Variants in RFC3 observed in about 807,000 individuals in gnomAD.
RFC3 encodes the protein replication factor C subunit 3, also known as A1 38 kDa subunit.
Under a neutral mutation model 45.1 loss-of-function variants are expected in RFC3, and 41 were observed. The ratio of observed to expected loss-of-function variants is 0.91; its 90% CI spans 0.71 to 1.18. RFC3 has a LOEUF of 1.18. RFC3 is among the 50% of genes most tolerant of loss of function. The probability of loss-of-function intolerance (pLI) is 0.00; values close to 1 mark genes in which losing one functional copy is unlikely to be tolerated. For missense variants in RFC3, 423 were observed against 428.1 expected, an observed-to-expected ratio of 0.99 and a Z score of 0.10; for synonymous variants, 149 against 144.0, an observed-to-expected ratio of 1.03 and a Z score of -0.25.
chr13:33,866,550 T>C (rs2082374830), intron 8 of RFC3, among the ~76,000 whole-genome samples: 1 of 152,214 alleles, frequency 6.6e-6, no homozygotes, highest in African/African-American at 2.4e-5. Context: ...TGGAGAGTCA[T>C]TATGCCTCAT....
intron 8 of RFC3, among the ~76,000 whole-genome samples, chr13:33,898,164 C>T (rs887337941): frequency 1.3e-5 from 2 of 151,976 alleles, no homozygotes; most frequent in African/African-American, 4.8e-5. Flanking sequence ...ATAGGCCTAA[C>T]TGATATTTAC....
intron 8 of RFC3, among the ~76,000 whole-genome samples, chr13:33,956,713 A>G (rs1257483756): frequency 6.6e-6 from 1 of 152,208 alleles, no homozygotes; most frequent in Non-Finnish European, 1.5e-5. Context: ...AAAGCACTAG[A>G]TGTCTAGTGA....
rs546575097 is a variant in RFC3, at chr13:33,887,987, C to T, written c.879+52770C>T. On this transcript the variant is annotated intron_variant, in intron 8 of 8. Coordinates refer to the RFC3 transcript ENST00000434425. ...GGCTCTGTTCTGTTCCATTGATCGA[C>T]ATCTCTGTTTTGGTACCAGTACCAT... Among the ~76,000 whole-genome samples the T allele has an allele frequency of 7.9e-3, 1,201 of 152,144 alleles. 17 individuals are homozygous for T. The highest frequency in any genetic ancestry group is 0.027 in the African/African-American group (1,125 of 41,462).
intron 8 of RFC3, among the ~76,000 whole-genome samples, chr13:33,851,920 G>C (rs1003008185): frequency 3.3e-5 from 5 of 152,122 alleles, no homozygotes; most frequent in African/African-American, 1.2e-4. Flanking sequence ...TGAAGTTGAA[G>C]ACTGAATTTT....
intron 8 of RFC3, among the ~76,000 whole-genome samples, chr13:33,858,477 C>T (rs964342056): frequency 3.9e-5 from 6 of 152,168 alleles, no homozygotes; most frequent in Non-Finnish European, 7.3e-5. Flanking sequence ...AACCAGGTCC[C>T]TTCCCACTCT....
chr13:33,963,710 G>A (rs536640604), intron 8 of RFC3, among the ~76,000 whole-genome samples: 1 of 152,198 alleles, frequency 6.6e-6, no homozygotes, highest in South Asian at 2.1e-4. Context: ...ACTTGTCTCT[G>A]TTCTTCTGTG....
chr13:33,841,753 GTTTGTAAAC>G (rs1416929338), downstream of RFC3, among the ~76,000 whole-genome samples: 1 of 152,108 alleles, frequency 6.6e-6, no homozygotes, highest in East Asian at 1.9e-4. Context: ...TTTCATGCTT[GTTTGTAAAC>G]TTTTTTGGAG....
At position 33,910,335 on chromosome 13, in the gene RFC3, A is replaced by G. The variant is rs72621258; in HGVS notation, c.880-55752A>G. 5.9e-3 allele frequency among the ~76,000 whole-genome samples: 904 copies of G among 152,182 alleles called. 31 individuals carry two copies. The East Asian group carries it at 0.087, about 15-fold the overall frequency. On this transcript the variant is annotated intron_variant, in intron 8 of 8. Coordinates refer to the RFC3 transcript ENST00000434425. ...CTTAGACATTATCTTTTCTAAGCCT[A>G]ATTTGCTCATTGTAAAGTGGGGATT...
intron 8 of RFC3, chr13:33,849,057 T>TAGAC (rs57345422): frequency 0.012 from 1,776 of 151,106 alleles, 30 homozygotes; most frequent in African/African-American, 0.035. Flanking sequence ...GATAGATAGA[T>TAGAC]AGACAGGCAG....
chr13:33,959,928 G>A (rs1312209395), intron 8 of RFC3, among the ~76,000 whole-genome samples: 5 of 152,142 alleles, frequency 3.3e-5, no homozygotes, highest in Admixed American at 3.3e-4. Context: ...AGCTCAGGAA[G>A]GTTTTACTCA....
At chr13:33,977,223 T>C in the RFC3 span, among the ~76,000 whole-genome samples, 1 of 152,160 alleles carries the variant, frequency 6.6e-6, no homozygotes, top group Admixed American at 6.5e-5. Context: ...TAGCTAATAA[T>C]AATGCATAGT....
chr13:33,818,149 A>G lies in RFC3; in HGVS notation c.-30A>G. 6.3e-7 allele frequency: 1 copy of G among 1,595,192 alleles called. No homozygotes were observed. ...GGACGCGCGCTCGCGCGGGATTTTC[A>G]AGCGTAGGCCCCCGGGAACTCGAGC... On this transcript the variant is annotated 5_prime_UTR_variant, in exon 1 of 9. Coordinates refer to ENST00000380071, the MANE Select transcript of RFC3 (RefSeq NM_002915.4).
At chr13:33,861,793 C>T (rs2082342755) in intron 8 of RFC3, among the ~76,000 whole-genome samples, 1 of 152,124 alleles carries the variant, frequency 6.6e-6, no homozygotes, top group Non-Finnish European at 1.5e-5. Flanking sequence ...TTTCACTTAA[C>T]AATTTTGTAC....
At chr13:33,868,710 C>T (rs1012547861) in intron 8 of RFC3, among the ~76,000 whole-genome samples, 5 of 152,322 alleles carry the variant, frequency 3.3e-5, no homozygotes, top group Admixed American at 6.5e-5. Context: ...AGCCTGCTCC[C>T]ACTCTGTGGA....
downstream of RFC3, among the ~76,000 whole-genome samples, chr13:33,841,082 G>A (rs893957690): frequency 2.0e-5 from 3 of 152,160 alleles, no homozygotes; most frequent in African/African-American, 4.8e-5. Flanking sequence ...ATCAGCAACA[G>A]CATTAGATTC....
At chr13:33,911,454 C>T (rs531176681) in intron 8 of RFC3, among the ~76,000 whole-genome samples, 2 of 151,970 alleles carry the variant, frequency 1.3e-5, no homozygotes, top group African/African-American at 2.4e-5. Flanking sequence ...GTTAGACACC[C>T]GTCTTAATCC....
chr13:33,840,315 G>A (rs1391942489), downstream of RFC3, among the ~76,000 whole-genome samples: 1 of 152,086 alleles, frequency 6.6e-6, no homozygotes, highest in Non-Finnish European at 1.5e-5. Context: ...TTTCCTTCAA[G>A]TTTTCAGCTC....
chr13:33,898,870 G>A (rs184815388), intron 8 of RFC3, among the ~76,000 whole-genome samples: 178 of 151,798 alleles, frequency 1.2e-3, no homozygotes, highest in African/African-American at 4.0e-3. Context: ...ATGCTATTAT[G>A]AGCAACTGTA....
intron 8 of RFC3, among the ~76,000 whole-genome samples, chr13:33,916,637 T>C (rs2082735060): frequency 6.6e-6 from 1 of 152,152 alleles, no homozygotes; most frequent in Non-Finnish European, 1.5e-5. Context: ...GCTGCACAAA[T>C]GTATGTACGT....
Sources: allele counts gnomAD v4.1 joint callset (sites outside exome capture counted in the v4.1 genomes callset), GRCh38; gene constraint gnomAD v4.1.1; transcripts MANE v1.5; gene names NCBI Gene and HGNC (gene_info 2026-07-23, HGNC 2026-07-21).